Variants in NUP88 observed in about 807,000 individuals in gnomAD.
NUP88 encodes the protein nucleoporin 88.
NUP88 carries 57 observed loss-of-function variants against 93.9 expected under a neutral mutation model. The observed-to-expected ratio is 0.61, with a 90% CI of 0.49 to 0.76. The LOEUF (loss-of-function observed/expected upper bound fraction) is 0.76. Among genes scored for constraint, NUP88 ranks in the 30% least tolerant of loss-of-function variants. NUP88 has a pLI of 0.00. For missense variants in NUP88, 911 were observed against 901.0 expected (o/e 1.01, Z -0.14); for synonymous variants, 346 against 336.8 (o/e 1.03, Z -0.30).
intron 15 of NUP88, 62 bp downstream of exon 15, chr17:5,386,922 T>TCCAG: frequency 6.2e-7 from 1 of 1,600,170 alleles, no homozygotes; most frequent in Non-Finnish European, 8.5e-7. Context: ...TTGTAAAATT[T>TCCAG]TCTGTAGAAT....
chr17:5,386,168 T>C lies in NUP88; in HGVS notation c.*38A>G, dbSNP rs1301340373. 1.3e-6 allele frequency: 2 copies of C among 1,511,592 alleles called. No individual in the cohort carries two copies. Among genetic ancestry groups the C allele is most frequent in the African/African-American group, 1.4e-5 (1 of 72,098 alleles). The allele number at this position is 1,511,592 out of a possible 1,614,324, so 93.6% of individuals were successfully genotyped here. ...TTACAATATGGGTTTAAGCCTTCAA[T>C]GGTGTTCAGTTCAGGTGTGAGTCAG... On this transcript the variant is annotated 3_prime_UTR_variant, in exon 17 of 17. Coordinates refer to ENST00000573584, the MANE Select transcript of NUP88 (RefSeq NM_002532.6).
intron 1 of NUP88, 80 bp from the exon 2 acceptor site, chr17:5,416,762 C>CT (rs35036161): frequency 0.44 from 462,299 of 1,060,746 alleles, 109,695 homozygotes; most frequent in East Asian, 0.84. Context: ...CACAGTAATA[C>CT]TTAGTTTACT....
rs750771528 is a variant in NUP88, at chr17:5,414,035, C to A, written c.567G>T (p.Val189=). Residue 189 remains valine (V), a synonymous_variant, in exon 3 of 17, where the codon GTG becomes GTT. Transcript: ENST00000573584. ...YPSEILDPHV[V]LLTSDNVIRI... ...TGATTACGTTGTCTGATGTTAACAGCACTACGTGGGGATCCAGGATTTCAC... is the reference window on the plus strand; with the variant it reads ...TGATTACGTTGTCTGATGTTAACAGAACTACGTGGGGATCCAGGATTTCAC... 2 of 1,613,810 alleles carry A rather than the reference C, an allele frequency of 1.2e-6. No homozygotes were observed. Among genetic ancestry groups the A allele is most frequent in the Non-Finnish European group, 1.7e-6 (2 of 1,179,758 alleles).
chr17:5,397,062 A>G (rs2151638316), intron 8 of NUP88, among the ~76,000 whole-genome samples: 1 of 152,244 alleles, frequency 6.6e-6, no homozygotes, highest in East Asian at 1.9e-4. Context: ...TTTGATGGCC[A>G]GGTGCGGTGG....
rs1452726375 is a variant in NUP88, at chr17:5,391,673, ACAGT to A, written c.1383-15_1383-12del. 1.2e-6 allele frequency: 2 copies of A among 1,602,912 alleles called. No individual in the cohort carries two copies. Among genetic ancestry groups the A allele is most frequent in the Non-Finnish European group, 1.7e-6 (2 of 1,172,698 alleles). ...ATTGGAGCTGGCTGCCTGGAAAAACACAGTCATAGTTAAATTACAAAGCAGCAAA... is the reference window on the plus strand; with the variant it reads ...ATTGGAGCTGGCTGCCTGGAAAAACACATAGTTAAATTACAAAGCAGCAAA... On this transcript the variant is annotated splice_polypyrimidine_tract_variant and intron_variant, in intron 9 of 16. Transcript: ENST00000573584.
intron 16 of NUP88, 51 bp from the exon 17 acceptor site, chr17:5,386,320 A>G (rs1911972935): frequency 7.4e-7 from 1 of 1,354,924 alleles, no homozygotes; most frequent in East Asian, 2.3e-5. Flanking sequence ...AACCATTTAT[A>G]TGGATTCTTA....
At chr17:5,408,987 A>C in intron 4 of NUP88, 78 bp from the exon 5 acceptor site, 1 of 1,276,486 alleles carries the variant, frequency 7.8e-7, no homozygotes, top group Non-Finnish European at 1.1e-6. Context: ...CAAAACAAAA[A>C]CACAAAATGT....
chr17:5,393,435 CTTTTTTTTT>C (rs35265554), intron 9 of NUP88, among the ~76,000 whole-genome samples: 2,298 of 121,698 alleles, frequency 0.019, 76 homozygotes, highest in African/African-American at 0.065. Context: ...GTTCACTTTT[CTTTTTTTTT>C]TTTTTTTTTT....
At chr17:5,386,499 C>G (rs1567562569) in intron 16 of NUP88, among the ~76,000 whole-genome samples, 2 of 151,988 alleles carry the variant, frequency 1.3e-5, no homozygotes, top group Non-Finnish European at 2.9e-5. Context: ...TTTGGCCACA[C>G]AACAAAATCA....
rs1192409948 is a variant in NUP88 at position 5,389,540 on chromosome 17, G to T, written c.1485-580C>A. 2.0e-5 allele frequency among the ~76,000 whole-genome samples: 3 copies of T among 152,286 alleles called. No homozygotes were observed. In the East Asian group the frequency reaches 5.8e-4, roughly 29 times the overall value. ...CGCCTGTAATCCCAGCACTTTGGGA[G>T]GCCGAGGCAGGTGGATCACTTGAGG... is the stretch of plus-strand genomic sequence containing the variant. On this transcript the variant is annotated intron_variant, in intron 10 of 16. Transcript: ENST00000573584.
In NUP88 at chr17:5,404,210, G is replaced by GA; in HGVS notation, c.1080dup (p.Pro361SerfsTer7). ...ACACATTCAAACACATACAGAGAAG[G>GA]AATGAGGTCAATCCTGGAATCCCAG... On this transcript the variant is annotated frameshift_variant, in exon 7 of 17. Coordinates refer to ENST00000573584, the MANE Select transcript of NUP88 (RefSeq NM_002532.6). LOFTEE classifies it high-confidence loss of function. The GA allele has an allele frequency of 6.2e-7, 1 of 1,614,094 alleles. No homozygotes were observed. Among genetic ancestry groups the GA allele is most frequent in the Non-Finnish European group, 8.5e-7 (1 of 1,179,978 alleles).
chr17:5,400,562 A>C (rs1036052014), intron 7 of NUP88, among the ~76,000 whole-genome samples: 8 of 152,008 alleles, frequency 5.3e-5, no homozygotes, highest in Non-Finnish European at 1.0e-4. Flanking sequence ...AATGAGGTTC[A>C]CCAAAACATA....
chr17:5,417,853 C>T (rs1339391123), intron 1 of NUP88, among the ~76,000 whole-genome samples: 1 of 149,302 alleles, frequency 6.7e-6, no homozygotes, highest in Non-Finnish European at 1.5e-5. Flanking sequence ...CAAAACAAAA[C>T]AAAAACAGCC....
At chr17:5,414,986 T>C (rs1185725244) in intron 2 of NUP88, among the ~76,000 whole-genome samples, 1 of 150,886 alleles carries the variant, frequency 6.6e-6, no homozygotes, top group African/African-American at 2.4e-5. Flanking sequence ...AAATAATTTA[T>C]TTATTTTAAT....
At chr17:5,407,123 A>T (rs1913545556) in intron 5 of NUP88, among the ~76,000 whole-genome samples, 1 of 152,150 alleles carries the variant, frequency 6.6e-6, no homozygotes. Flanking sequence ...TGCCAAGGAG[A>T]ATGCACTCAA....
chr17:5,401,705 G>A (rs115146164), intron 7 of NUP88, among the ~76,000 whole-genome samples: 209 of 152,206 alleles, frequency 1.4e-3, no homozygotes, highest in African/African-American at 4.6e-3. Context: ...CTTTTCATTT[G>A]CGTATGTTTT....
chr17:5,415,418 A>G (rs1288999981), intron 2 of NUP88, among the ~76,000 whole-genome samples: 2 of 152,226 alleles, frequency 1.3e-5, no homozygotes, highest in Non-Finnish European at 2.9e-5. Context: ...CAGATATAGT[A>G]TCTCATTTGA....
At chr17:5,390,820 G>T (rs932883422) in intron 10 of NUP88, among the ~76,000 whole-genome samples, 2 of 151,948 alleles carry the variant, frequency 1.3e-5, no homozygotes, top group Non-Finnish European at 2.9e-5. Context: ...CCTCTCACCT[G>T]AGCAGCTAGG....
Position 5,387,398 on chromosome 17 carries a change from T to C in NUP88, c.1904A>G (p.Asp635Gly), listed in dbSNP as rs1187336872. 2 of 1,613,868 alleles carry C rather than the reference T, an allele frequency of 1.2e-6. No individual in the cohort carries two copies. The highest frequency in any genetic ancestry group is 1.7e-6 in the Non-Finnish European group (2 of 1,179,744). Reference sequence around the variant, plus strand: ...ACAGCCCACTGACCTGTTCATGATATCCTCTTGTTTTTCTTTAGCTTCCTC... The same window carrying C: ...ACAGCCCACTGACCTGTTCATGATACCCTCTTGTTTTTCTTTAGCTTCCTC... ...KYEEAKEKQEDIMNRMKKLLH... is the reference protein window; with the variant it reads ...KYEEAKEKQEGIMNRMKKLLH... Residue 635 changes from aspartate to glycine, a missense_variant, in exon 14 of 17, where the codon GAT (aspartate) becomes GGT (glycine). Transcript: ENST00000573584.
Sources: gnomAD v4.1 joint callset for allele counts (sites outside exome capture counted in the v4.1 genomes callset) on GRCh38, gnomAD v4.1.1 for gene constraint, MANE v1.5 for transcripts, NCBI Gene and HGNC (gene_info 2026-07-23, HGNC 2026-07-21) for gene names.